LRP1B: variants seen among roughly 807,000 people sequenced by gnomAD.
LRP1B encodes the protein LDL receptor related protein 1B.
Under a neutral mutation model 556.6 loss-of-function variants are expected in LRP1B, and 217 were observed. The ratio of observed to expected loss-of-function variants is 0.39; its 90% CI spans 0.35 to 0.44. The LOEUF (loss-of-function observed/expected upper bound fraction) is 0.44, where lower values mean the gene tolerates loss of function less well. Among genes scored for constraint, LRP1B ranks in the 20% least tolerant of loss-of-function variants. The pLI is 1.00. For synonymous variants in LRP1B, 2,047 were observed against 1,865.8 expected, an observed-to-expected ratio of 1.10 and a Z score of -2.50; for missense variants, 5,053 against 5,620.8, an observed-to-expected ratio of 0.90 and a Z score of 3.23.
chr2:142,001,135 C>T (rs1391680530), intron 1 of LRP1B, among the ~76,000 whole-genome samples: 1 of 152,144 alleles, frequency 6.6e-6, no homozygotes, highest in Non-Finnish European at 1.5e-5. Flanking sequence ...TGAGGCCTCC[C>T]CAACCCCGTG....
intron 7 of LRP1B, among the ~76,000 whole-genome samples, chr2:141,086,797 G>A (rs889668282): frequency 7.9e-5 from 12 of 152,102 alleles, no homozygotes; most frequent in Non-Finnish European, 1.5e-4. Flanking sequence ...ATCTCTTCAT[G>A]CACAGACACC....
At chr2:141,251,875 C>G (rs2679450) in intron 4 of LRP1B, among the ~76,000 whole-genome samples, 5,866 of 152,088 alleles carry the variant, frequency 0.039, 110 homozygotes, top group South Asian at 0.048. Flanking sequence ...TGGTCAAGGG[C>G]ACTGTAGCAG....
intron 23 of LRP1B, among the ~76,000 whole-genome samples, chr2:140,886,647 T>G (rs1693644885): frequency 6.6e-6 from 1 of 151,806 alleles, no homozygotes; most frequent in Non-Finnish European, 1.5e-5. Flanking sequence ...GAATTTCAGC[T>G]GACAACTTAA....
intron 66 of LRP1B, among the ~76,000 whole-genome samples, chr2:140,435,427 T>C (rs1370821953): frequency 6.6e-6 from 1 of 152,156 alleles, no homozygotes; most frequent in African/African-American, 2.4e-5. Context: ...CTGACTCAAT[T>C]CCTTTTAAAA....
chr2:140,820,302 C>G (rs1375681446), intron 31 of LRP1B, among the ~76,000 whole-genome samples: 1 of 152,170 alleles, frequency 6.6e-6, no homozygotes, highest in Non-Finnish European at 1.5e-5. Flanking sequence ...TTTAAAAGCA[C>G]ATTATTCAAC....
intron 60 of LRP1B, among the ~76,000 whole-genome samples, chr2:140,459,504 T>C (rs1200357073): frequency 6.6e-6 from 1 of 152,200 alleles, no homozygotes; most frequent in Non-Finnish European, 1.5e-5. Context: ...TCAGTTTACT[T>C]TTGTAAGAAA....
intron 2 of LRP1B, among the ~76,000 whole-genome samples, chr2:141,522,505 A>G (rs950911892): frequency 4.6e-5 from 7 of 152,174 alleles, no homozygotes; most frequent in Admixed American, 2.0e-4. Flanking sequence ...TGCATCTTGA[A>G]GATCAGATCG....
chr2:141,695,808 G>C (rs1046623563), intron 2 of LRP1B, among the ~76,000 whole-genome samples: 1 of 151,906 alleles, frequency 6.6e-6, no homozygotes, highest in Non-Finnish European at 1.5e-5. Context: ...AAAAATAGTT[G>C]ATTCAATGTT....
At chr2:140,498,242 T>G (rs1316168674) in intron 55 of LRP1B, among the ~76,000 whole-genome samples, 2 of 151,934 alleles carry the variant, frequency 1.3e-5, no homozygotes, top group Non-Finnish European at 2.9e-5. Flanking sequence ...TGAGTTACAT[T>G]AATTTTTATA....
At chr2:140,316,860 G>C (rs1423160687) in intron 82 of LRP1B, among the ~76,000 whole-genome samples, 2 of 152,088 alleles carry the variant, frequency 1.3e-5, no homozygotes, top group African/African-American at 4.8e-5. Flanking sequence ...ACTGTATCTA[G>C]ACTAGGAGAA....
At chr2:141,829,468 T>G (rs1697042260) in intron 1 of LRP1B, among the ~76,000 whole-genome samples, 1 of 152,150 alleles carries the variant, frequency 6.6e-6, no homozygotes, top group Admixed American at 6.5e-5. Context: ...AGCAGCATAT[T>G]TTGTTCCTTT....
chr2:141,859,360 T>C (rs1698167841), intron 1 of LRP1B, among the ~76,000 whole-genome samples: 1 of 152,166 alleles, frequency 6.6e-6, no homozygotes, highest in African/African-American at 2.4e-5. Flanking sequence ...TAAAAGGCAT[T>C]GGGCCATCCT....
intron 41 of LRP1B, among the ~76,000 whole-genome samples, chr2:140,618,090 G>C (rs521021): frequency 6.6e-6 from 1 of 151,514 alleles, no homozygotes; most frequent in Admixed American, 6.6e-5. Flanking sequence ...TTTACTATTC[G>C]GTTATAATAA....
At chr2:140,739,489 A>C (rs1052402451) in intron 35 of LRP1B, among the ~76,000 whole-genome samples, 4 of 152,212 alleles carry the variant, frequency 2.6e-5, no homozygotes, top group Non-Finnish European at 5.9e-5. Flanking sequence ...GTACATAGAA[A>C]GGAGAGTTTC....
intron 83 of LRP1B, among the ~76,000 whole-genome samples, chr2:140,310,089 G>A (rs898620357): frequency 2.6e-5 from 4 of 151,486 alleles, no homozygotes; most frequent in African/African-American, 9.7e-5. Flanking sequence ...TGTAAATGCT[G>A]GTTTCATCCA....
At position 140,492,574 on chromosome 2, in the gene LRP1B, T is replaced by C. The variant is rs369243127; in HGVS notation, c.9120+34A>G. The C allele has an allele frequency of 4.8e-5, 70 of 1,467,974 alleles. No homozygotes were observed. In the Middle Eastern group the frequency reaches 5.2e-4, roughly 11 times the overall value. The allele number at this position is 1,467,974 out of a possible 1,614,324, so 90.9% of individuals were successfully genotyped here. On this transcript the variant is annotated intron_variant, in intron 57 of 90. Transcript: ENST00000389484. ...TCTAACACATACCTAGTGCACATGT[T>C]AAATGTTACGGTGTCATCTTGGGAG... is the stretch of plus-strand genomic sequence containing the variant.
At chr2:140,591,432 T>C (rs1271486478) in intron 43 of LRP1B, among the ~76,000 whole-genome samples, 1 of 152,226 alleles carries the variant, frequency 6.6e-6, no homozygotes, top group African/African-American at 2.4e-5. Flanking sequence ...TCCCATGTAT[T>C]TGAGGCATGT....
intron 77 of LRP1B, among the ~76,000 whole-genome samples, chr2:140,345,817 T>TAC (rs1460663021): frequency 2.2e-5 from 3 of 134,820 alleles, no homozygotes; most frequent in South Asian, 2.2e-4. Context: ...CACATATATA[T>TAC]ACATATATAC....
At chr2:140,613,731 T>A (rs1220275120) in intron 41 of LRP1B, among the ~76,000 whole-genome samples, 1 of 151,968 alleles carries the variant, frequency 6.6e-6, no homozygotes, top group Non-Finnish European at 1.5e-5. Flanking sequence ...CAAAGCCACA[T>A]CCATATGATG....
Sources: allele counts gnomAD v4.1 joint callset (sites outside exome capture counted in the v4.1 genomes callset), GRCh38; gene constraint gnomAD v4.1.1; transcripts MANE v1.5; gene names NCBI Gene and HGNC (gene_info 2026-07-23, HGNC 2026-07-21).